The following GARNL3 variants were observed in gnomAD, a reference collection of about 807,000 sequenced individuals.
The protein encoded by GARNL3 is GTPase activating Rap/RanGAP domain like 3.
In GARNL3, 63 loss-of-function variants were observed where a neutral mutation model predicts 125.0. That is an observed-to-expected ratio of 0.50 (90% CI 0.41 to 0.62). The LOEUF (loss-of-function observed/expected upper bound fraction) is 0.62, where lower values mean the gene tolerates loss of function less well. Among genes scored for constraint, GARNL3 ranks in the 20% least tolerant of loss-of-function variants. The pLI, the probability that GARNL3 is intolerant of heterozygous loss-of-function variation, is 0.00. For synonymous variants in GARNL3, 439 were observed against 457.5 expected, an observed-to-expected ratio of 0.96 and a Z score of 0.52; for missense variants, 994 against 1,244.0, an observed-to-expected ratio of 0.80 and a Z score of 3.02.
intron 22 of GARNL3, among the ~76,000 whole-genome samples, chr9:127,379,789 G>A (rs1456757932): frequency 1.3e-5 from 2 of 152,130 alleles, no homozygotes; most frequent in African/African-American, 2.4e-5. Context: ...AGTGAAGAAA[G>A]CAAATTATAT....
At chr9:127,327,854 A>T (rs2065622138) in intron 7 of GARNL3, among the ~76,000 whole-genome samples, 1 of 152,360 alleles carries the variant, frequency 6.6e-6, no homozygotes, top group East Asian at 1.9e-4. Context: ...GGAAAAAATC[A>T]CCTGCAGTCA....
intron 2 of GARNL3, among the ~76,000 whole-genome samples, chr9:127,301,158 A>G (rs1295106212): frequency 1.3e-5 from 2 of 152,166 alleles, no homozygotes; most frequent in African/African-American, 4.8e-5. Context: ...GATCAGTTCC[A>G]TCATTGTCAT....
chr9:127,379,666 A>G (rs1414485038), intron 22 of GARNL3, among the ~76,000 whole-genome samples: 1 of 152,224 alleles, frequency 6.6e-6, no homozygotes, highest in Non-Finnish European at 1.5e-5. Context: ...TGGAAACTAA[A>G]TGGAAACAGG....
At chr9:127,231,374 G>A (rs974382248) in intron 1 of GARNL3, among the ~76,000 whole-genome samples, 1 of 151,622 alleles carries the variant, frequency 6.6e-6, no homozygotes, top group Non-Finnish European at 1.5e-5. Flanking sequence ...GCCCGGCCAG[G>A]CAAATGATAT....
At chr9:127,377,331 T>G (rs1046010815) in intron 22 of GARNL3, among the ~76,000 whole-genome samples, 1 of 80,930 alleles carries the variant, frequency 1.2e-5, no homozygotes, top group Non-Finnish European at 3.8e-5. Context: ...GTTAGGACAA[T>G]TGGACAAACT....
intron 1 of GARNL3, among the ~76,000 whole-genome samples, chr9:127,268,190 G>A (rs1017681182): frequency 2.0e-5 from 3 of 152,302 alleles, no homozygotes; most frequent in Admixed American, 1.3e-4. Flanking sequence ...GAAACTAGCA[G>A]CCTCACACCG....
At chr9:127,339,297 A>AG (rs1829732923) in intron 12 of GARNL3, among the ~76,000 whole-genome samples, 1 of 54,758 alleles carries the variant, frequency 1.8e-5, no homozygotes. Flanking sequence ...ACTCCGTCTC[A>AG]AAAAAAAAAA....
chr9:127,357,791 A>G (rs1428422615), intron 21 of GARNL3, among the ~76,000 whole-genome samples: 1 of 152,142 alleles, frequency 6.6e-6, no homozygotes, highest in Non-Finnish European at 1.5e-5. Flanking sequence ...TTAAAAAAAA[A>G]AAAAGACATG....
At chr9:127,235,180 T>G (rs964888250) in intron 1 of GARNL3, among the ~76,000 whole-genome samples, 2 of 151,136 alleles carry the variant, frequency 1.3e-5, no homozygotes, top group African/African-American at 4.9e-5. Context: ...AAAGTTTCCT[T>G]TTTTCCCATA....
chr9:127,284,874 G>C (rs1378770516), intron 1 of GARNL3, among the ~76,000 whole-genome samples: 1 of 151,838 alleles, frequency 6.6e-6, no homozygotes, highest in Non-Finnish European at 1.5e-5. Flanking sequence ...TCACTGTGTT[G>C]CCGAGGCTGG....
intron 2 of GARNL3, among the ~76,000 whole-genome samples, chr9:127,297,450 T>C (rs539562742): frequency 7.5e-4 from 114 of 152,346 alleles, no homozygotes; most frequent in South Asian, 1.7e-3. Flanking sequence ...ATATTTTCTT[T>C]TTTCTTTTTT....
At chr9:127,300,230 AT>A in intron 2 of GARNL3, 1 of 300,272 alleles carries the variant, frequency 3.3e-6, no homozygotes. Flanking sequence ...GCACCACACA[AT>A]TTTTGAGCAA....
intron 25 of GARNL3, chr9:127,388,530 G>A (rs1273393670): frequency 3.4e-6 from 1 of 293,258 alleles, no homozygotes; most frequent in African/African-American, 2.2e-5. Flanking sequence ...CTCTGCTGTG[G>A]TTACCTCATC....
At position 127,378,752 on chromosome 9, in the gene GARNL3, T is replaced by TCA. The variant is rs572941605; in HGVS notation, c.2162-4686_2162-4685insCA. 2.1e-3 allele frequency among the ~76,000 whole-genome samples: 321 copies of TCA among 152,274 alleles called. 1 individual carries two copies. Among genetic ancestry groups the TCA allele is most frequent in the Non-Finnish European group, 3.2e-3 (221 of 68,012 alleles). ...TTTTTAAGAGTTTGAGCAGTGATTTTTATATATATATTTTTTGTTTGTTTG... is the reference window on the plus strand; with the variant it reads ...TTTTTAAGAGTTTGAGCAGTGATTTTCATATATATATATTTTTTGTTTGTTTG... On this transcript the variant is annotated intron_variant, in intron 22 of 27. Coordinates refer to ENST00000373387, the MANE Select transcript of GARNL3 (RefSeq NM_032293.5).
At chr9:127,231,221 A>ATTTTTTTTTTTT (rs754935724) in intron 1 of GARNL3, among the ~76,000 whole-genome samples, 9 of 66,084 alleles carry the variant, frequency 1.4e-4, no homozygotes, top group African/African-American at 4.4e-4. Flanking sequence ...CGCCCAGCTA[A>ATTTTTTTTTTTT]TTTTTTGTTT....
intron 22 of GARNL3, among the ~76,000 whole-genome samples, chr9:127,377,196 G>T (rs895738552): frequency 1.3e-5 from 2 of 152,068 alleles, no homozygotes; most frequent in African/African-American, 4.8e-5. Context: ...GCTGGTGCAA[G>T]AATAGACAAG....
intron 2 of GARNL3, among the ~76,000 whole-genome samples, chr9:127,297,644 C>T (rs975907898): frequency 5.3e-5 from 8 of 152,158 alleles, no homozygotes; most frequent in Non-Finnish European, 8.8e-5. Context: ...AGAATACATA[C>T]GTAACACATA....
At chr9:127,343,791 A>C (rs1829993863) in intron 14 of GARNL3, among the ~76,000 whole-genome samples, 1 of 152,200 alleles carries the variant, frequency 6.6e-6, no homozygotes, top group South Asian at 2.1e-4. Flanking sequence ...ACACAAAGAC[A>C]CTGAGATTCG....
At chr9:127,365,159 G>A (rs1003774384) in intron 21 of GARNL3, 141 bp from the exon 22 acceptor site, 3 of 675,050 alleles carry the variant, frequency 4.4e-6, no homozygotes, top group Non-Finnish European at 8.1e-6. Context: ...TGTGCATTGT[G>A]GGTGCTGGTG....
Sources: gnomAD v4.1 joint callset for allele counts (sites outside exome capture counted in the v4.1 genomes callset) on GRCh38, gnomAD v4.1.1 for gene constraint, MANE v1.5 for transcripts, NCBI Gene and HGNC (gene_info 2026-07-23, HGNC 2026-07-21) for gene names.